The following PCDHA7 variants were observed in gnomAD, a reference collection of about 807,000 sequenced individuals.
PCDHA7 encodes the protein protocadherin alpha-7.
A neutral mutation model predicts 57.2 loss-of-function variants in PCDHA7; 37 were observed. The observed-to-expected ratio is 0.65, with a 90% CI of 0.50 to 0.85. The LOEUF is 0.85. Ranked by LOEUF, PCDHA7 falls within the 40% of genes least tolerant of loss-of-function variation. PCDHA7 has a pLI of 0.00. For missense variants in PCDHA7, 1,188 were observed against 1,241.8 expected (o/e 0.96, Z 0.65); for synonymous variants, 553 against 558.8 (o/e 0.99, Z 0.15).
chr5:140,997,817 A>G (rs570760153), intron 3 of PCDHA7, among the ~76,000 whole-genome samples: 2 of 152,306 alleles, frequency 1.3e-5, no homozygotes, highest in South Asian at 4.1e-4. Flanking sequence ...GTTGGTATCT[A>G]TGTTTTCTAA....
chr5:140,924,785 C>G (rs2082005933), intron 1 of PCDHA7, among the ~76,000 whole-genome samples: 1 of 151,704 alleles, frequency 6.6e-6, no homozygotes, highest in African/African-American at 2.4e-5. Context: ...GTCCTAGCTA[C>G]TTAGGAGGCT....
intron 1 of PCDHA7, chr5:140,883,045 A>G: frequency 1.2e-6 from 2 of 1,614,190 alleles, no homozygotes; most frequent in Non-Finnish European, 1.7e-6. Context: ...TCAATGGAAC[A>G]TTAGTGATCA....
chr5:140,887,125 C>A (rs1391575318), intron 1 of PCDHA7, among the ~76,000 whole-genome samples: 1 of 150,082 alleles, frequency 6.7e-6, no homozygotes, highest in East Asian at 2.0e-4. Context: ...GAGACGGAGT[C>A]TCACTCTGTC....
chr5:140,947,938 A>G (rs2094195228), intron 1 of PCDHA7, among the ~76,000 whole-genome samples: 1 of 151,536 alleles, frequency 6.6e-6, no homozygotes, highest in African/African-American at 2.4e-5. Context: ...CTTATGAGAA[A>G]AGTGTTCCAT....
At chr5:140,887,661 T>A (rs1322494406) in intron 1 of PCDHA7, among the ~76,000 whole-genome samples, 1 of 152,170 alleles carries the variant, frequency 6.6e-6, no homozygotes, top group African/African-American at 2.4e-5. Context: ...CTTGGATCTG[T>A]GGATTTATCA....
intron 1 of PCDHA7, among the ~76,000 whole-genome samples, chr5:140,855,699 C>A (rs901621120): frequency 6.7e-6 from 1 of 149,362 alleles, no homozygotes; most frequent in Non-Finnish European, 1.5e-5. Context: ...AAACATTGCA[C>A]GTGGGATCAA....
chr5:140,968,932 A>G, intron 1 of PCDHA7: 3 of 1,614,164 alleles, frequency 1.9e-6, no homozygotes, highest in Non-Finnish European at 2.5e-6. Flanking sequence ...TTCTTTTGAC[A>G]ATCATCATTT....
At chr5:140,880,095 A>G (rs2058235665) in intron 1 of PCDHA7, among the ~76,000 whole-genome samples, 1 of 152,246 alleles carries the variant, frequency 6.6e-6, no homozygotes, top group South Asian at 2.1e-4. Flanking sequence ...AGTAGGCTTA[A>G]AATCATAGAA....
Position 140,835,058 on chromosome 5 carries a change from C to G in PCDHA7, c.675C>G (p.Thr225=). The part of the protein sequence containing the change: ...TDGGKPELTG[T]VQLLITVLDN... ...GAGGCAAACCCGAGCTGACTGGCACCGTTCAATTACTCATCACGGTACTGG... is the reference window on the plus strand; with the variant it reads ...GAGGCAAACCCGAGCTGACTGGCACGGTTCAATTACTCATCACGGTACTGG... Residue 225 remains threonine, a synonymous_variant, in exon 1 of 4, where the codon ACC becomes ACG. Transcript: ENST00000525929. 8.2e-7 allele frequency: 1 copy of G among 1,218,396 alleles called. No homozygotes were observed. Among genetic ancestry groups the G allele is most frequent in the Non-Finnish European group, 1.1e-6 (1 of 889,428 alleles). 75.5% of individuals were successfully genotyped at this position (1,218,396 alleles called of 1,614,324 possible).
intron 1 of PCDHA7, chr5:140,864,139 T>C (rs2048337993): frequency 6.6e-6 from 1 of 152,226 alleles, no homozygotes; most frequent in South Asian, 2.1e-4. Context: ...GGCTGTTTCC[T>C]GTAAATGAGA....
chr5:140,951,321 A>AT (rs2094571430), intron 1 of PCDHA7, among the ~76,000 whole-genome samples: 1 of 152,098 alleles, frequency 6.6e-6, no homozygotes, highest in Non-Finnish European at 1.5e-5. Context: ...TATTCTTGAG[A>AT]TTCATCATTC....
intron 1 of PCDHA7, chr5:140,877,083 G>T: frequency 6.2e-7 from 1 of 1,613,166 alleles, no homozygotes; most frequent in Non-Finnish European, 8.5e-7. Context: ...AGGTGAGCGC[G>T]CGCGACGCCG....
In PCDHA7 at chr5:140,834,303, G is replaced by T. The variant is rs2150215099; in HGVS notation, c.-81G>T. The T allele has an allele frequency of 7.6e-7, 1 of 1,308,316 alleles. No homozygotes were observed. Among genetic ancestry groups the T allele is most frequent in the Admixed American group, 2.2e-5 (1 of 45,182 alleles). The allele number at this position is 1,308,316 out of a possible 1,614,324, so 81.0% of individuals were successfully genotyped here. A position where few individuals can be genotyped will look rare whatever the true frequency, so the allele number is the denominator to read the frequency against. On this transcript the variant is annotated 5_prime_UTR_variant, in exon 1 of 4. Coordinates refer to ENST00000525929, the MANE Select transcript of PCDHA7 (RefSeq NM_018910.3). Reference sequence around the variant, plus strand: ...ATGCACAACAATGGCCACACATCGAGATTGAAATGAAGGGATAAAAACATT... The same window carrying T: ...ATGCACAACAATGGCCACACATCGATATTGAAATGAAGGGATAAAAACATT...
intron 1 of PCDHA7, among the ~76,000 whole-genome samples, chr5:140,922,038 T>A (rs1048446579): frequency 6.6e-6 from 1 of 152,088 alleles, no homozygotes. Context: ...AATGTAATTT[T>A]CCCACATACC....
At chr5:140,870,494 A>G (rs782779572) in intron 1 of PCDHA7, 1 of 1,614,236 alleles carries the variant, frequency 6.2e-7, no homozygotes, top group South Asian at 1.1e-5. Flanking sequence ...GTGTTCGTGA[A>G]GGAGAACAAC....
chr5:140,856,435 G>T, intron 1 of PCDHA7: 3 of 1,598,320 alleles, frequency 1.9e-6, no homozygotes, highest in Non-Finnish European at 2.6e-6. Flanking sequence ...ACGACAACCC[G>T]CCCAGGTTCT....
chr5:140,869,252 A>G (rs1204781858), intron 1 of PCDHA7: 2 of 1,613,490 alleles, frequency 1.2e-6, no homozygotes, highest in African/African-American at 2.7e-5. Flanking sequence ...CGCATCGCGC[A>G]GGACCTGGGG....
chr5:140,928,846 C>T, intron 1 of PCDHA7: 1 of 1,614,192 alleles, frequency 6.2e-7, no homozygotes, highest in Non-Finnish European at 8.5e-7. Context: ...CTCTGTCACT[C>T]TGGGTGTGCT....
At chr5:140,861,384 C>A in intron 1 of PCDHA7, 1 of 437,328 alleles carries the variant, frequency 2.3e-6, no homozygotes, top group Non-Finnish European at 4.7e-6. Flanking sequence ...TGCGCAGGAC[C>A]TGGGTCTGGA....
Sources: gnomAD v4.1 joint callset for allele counts (sites outside exome capture counted in the v4.1 genomes callset) on GRCh38, gnomAD v4.1.1 for gene constraint, MANE v1.5 for transcripts, NCBI Gene and HGNC (gene_info 2026-07-23, HGNC 2026-07-21) for gene names.